Variants in LRP1 observed in about 807,000 individuals in gnomAD.
The protein encoded by LRP1 is prolow-density lipoprotein receptor-related protein 1.
A neutral mutation model predicts 541.5 loss-of-function variants in LRP1; 51 were observed. That is an observed-to-expected ratio of 0.09 (90% CI 0.08 to 0.12). The LOEUF (loss-of-function observed/expected upper bound fraction) is 0.12. Ranked by LOEUF, LRP1 falls within the 10% of genes least tolerant of loss-of-function variation. The pLI is 1.00. For synonymous variants in LRP1, 2,219 were observed against 2,470.8 expected, an observed-to-expected ratio of 0.90 and a Z score of 3.02; for missense variants, 3,878 against 6,376.2, an observed-to-expected ratio of 0.61 and a Z score of 13.34.
chr12:57,180,271 C>T (rs1386657581), intron 31 of LRP1, 59 bp from the exon 32 acceptor site: 3 of 1,602,892 alleles, frequency 1.9e-6, no homozygotes, highest in African/African-American at 2.7e-5. Context: ...CCATCTGCTC[C>T]CTTCCCTGGA....
intron 42 of LRP1, among the ~76,000 whole-genome samples, chr12:57,187,728 T>C (rs556313327): frequency 9.9e-5 from 15 of 152,204 alleles, no homozygotes; most frequent in Non-Finnish European, 1.8e-4. Context: ...GATTCATTCA[T>C]CAGAGCACCA....
Position 57,154,681 on chromosome 12 carries a change from A to T in LRP1, c.1207A>T (p.Thr403Ser), listed in dbSNP as rs2035585682. The change falls in exon 8 of 89, where the codon ACC becomes TCC. Residue 403 changes from threonine (T) to serine (S), a missense_variant. By Grantham distance (58) the Thr-to-Ser change is moderately conservative. Coordinates refer to ENST00000243077, the MANE Select transcript of LRP1 (RefSeq NM_002332.3). The surrounding 1 kb of genome is among the most constrained non-coding windows in gnomAD (Gnocchi z 4.6). Reference protein sequence around the residue: ...VVDYEGKGRQTIIQGILIEHL... With the variant: ...VVDYEGKGRQSIIQGILIEHL... Reference sequence around the variant, plus strand: ...GGACTATGAGGGCAAGGGCCGCCAGACCATCATCCAGGGCATCCTGGTGAG... The same window carrying T: ...GGACTATGAGGGCAAGGGCCGCCAGTCCATCATCCAGGGCATCCTGGTGAG... 6.4e-7 allele frequency: 1 copy of T among 1,564,776 alleles called. No homozygotes were observed. Among genetic ancestry groups the T allele is most frequent in the Non-Finnish European group, 8.7e-7 (1 of 1,154,264 alleles).
chr12:57,128,825 C>T lies in LRP1; in HGVS notation c.-140C>T. The T allele has an allele frequency of 2.8e-6, 2 of 702,118 alleles. No individual in the cohort carries two copies. Among genetic ancestry groups the T allele is most frequent in the Non-Finnish European group, 4.7e-6 (2 of 428,468 alleles). The allele number at this position is 702,118 out of a possible 1,614,324, so 43.5% of individuals were successfully genotyped here. The stretch of plus-strand genomic sequence containing the variant: ...TACCTCTTCACCCACGCCCCTGGTG[C>T]GCTTTGCCGAAGGAAAGAATAAGAA... On this transcript the variant is annotated 5_prime_UTR_variant, in exon 1 of 89. Coordinates refer to ENST00000243077, the MANE Select transcript of LRP1 (RefSeq NM_002332.3).
chr12:57,147,095 C>T (rs1422898940), intron 6 of LRP1, among the ~76,000 whole-genome samples: 2 of 152,046 alleles, frequency 1.3e-5, no homozygotes, highest in African/African-American at 4.8e-5. Flanking sequence ...TTTGCCTTGC[C>T]TCCCAGTCTG....
In LRP1 at chr12:57,199,277, G is replaced by A; in HGVS notation, c.9742G>A (p.Asp3248Asn). Reference sequence around the variant, plus strand: ...GTTTGAGGACTACGTCTACTGGACCGACTGGGAAACAAAGTCCATTAACCG... The same window carrying A: ...GTTTGAGGACTACGTCTACTGGACCAACTGGGAAACAAAGTCCATTAACCG... Reference protein sequence around the residue: ...TLFEDYVYWTDWETKSINRAH... With the variant: ...TLFEDYVYWTNWETKSINRAH... Residue 3248 changes from aspartate to asparagine, a missense_variant, in exon 61 of 89, where the codon GAC becomes AAC. This residue lies in a region of LRP1 where 1,100 missense variants were observed against 1,827.4 expected (regional missense o/e 0.60). Transcript: ENST00000243077. 1 of 1,613,928 alleles carries A rather than the reference G, an allele frequency of 6.2e-7. No individual in the cohort carries two copies. Among genetic ancestry groups the A allele is most frequent in the Non-Finnish European group, 8.5e-7 (1 of 1,179,996 alleles).
intron 6 of LRP1, among the ~76,000 whole-genome samples, chr12:57,150,672 A>G (rs1012629187): frequency 1.3e-5 from 2 of 152,204 alleles, no homozygotes; most frequent in African/African-American, 4.8e-5. Flanking sequence ...GGATGGGTTC[A>G]GGGAGGGGAG....
chr12:57,198,299 T>G lies in LRP1; in HGVS notation c.9426T>G (p.Ser3142=). The change falls in exon 59 of 89, where the codon TCT becomes TCG. Residue 3142 remains serine, a synonymous_variant. Coordinates refer to ENST00000243077, the MANE Select transcript of LRP1 (RefSeq NM_002332.3). ...NGAYRTVLVS[S]GLREPRALVV... ...CCTATCGGACGGTGCTGGTCAGCTC[T>G]GGCCTCCGTGAGCCCAGGGCTCTGG... 2 of 1,613,982 alleles carry G rather than the reference T, an allele frequency of 1.2e-6. No individual in the cohort carries two copies. The highest frequency in any genetic ancestry group is 1.7e-6 in the Non-Finnish European group (2 of 1,180,000).
Position 57,184,513 on chromosome 12 carries a change from C to T in LRP1, c.6186+61C>T. 6.2e-7 allele frequency: 1 copy of T among 1,603,184 alleles called. No individual in the cohort carries two copies. Reference sequence around the variant, plus strand: ...GACCCCTGACCCAGGCTCCTGTTCCCTGTGATGAGCCCATTCTGGGAGGAC... The same window carrying T: ...GACCCCTGACCCAGGCTCCTGTTCCTTGTGATGAGCCCATTCTGGGAGGAC... On this transcript the variant is annotated intron_variant, in intron 38 of 88. Transcript: ENST00000243077. The surrounding 1 kb of genome is among the most constrained non-coding windows in gnomAD (Gnocchi z 7.8).
At position 57,194,626 on chromosome 12, in the gene LRP1, G is replaced by A; in HGVS notation, c.8118G>A (p.Gly2706=). The part of the protein sequence containing the change: ...CPLNYFACPS[G]RCIPMSWTCD... ...TGAATTACTTCGCCTGCCCTAGTGGGCGCTGCATCCCCATGAGCTGGACGT... is the reference window on the plus strand; with the variant it reads ...TGAATTACTTCGCCTGCCCTAGTGGACGCTGCATCCCCATGAGCTGGACGT... The change falls in exon 50 of 89, where the codon GGG becomes GGA. Residue 2706 remains glycine, a synonymous_variant. Coordinates refer to ENST00000243077, the MANE Select transcript of LRP1 (RefSeq NM_002332.3). 6.2e-7 allele frequency: 1 copy of A among 1,610,366 alleles called. No individual in the cohort carries two copies. The highest frequency in any genetic ancestry group is 8.5e-7 in the Non-Finnish European group (1 of 1,178,998).
intron 45 of LRP1, 83 bp downstream of exon 45, chr12:57,193,053 C>A: frequency 1.9e-6 from 3 of 1,586,288 alleles, no homozygotes; most frequent in Admixed American, 1.7e-5. Flanking sequence ...ATGCTCCAGC[C>A]CAGCCCCCCA....
intron 52 of LRP1, 32 bp from the exon 53 acceptor site, chr12:57,195,626 G>C: frequency 1.2e-6 from 2 of 1,613,882 alleles, no homozygotes; most frequent in Non-Finnish European, 1.7e-6. Flanking sequence ...GGCCAGGCAG[G>C]GCTGAAGGGC....
chr12:57,178,869 T>A lies in LRP1; in HGVS notation c.4607-21T>A, dbSNP rs780467884. ...AGTCACAGGATGCTCTGGCTTCTTC[T>A]CTTCTCCACCCTGCCCCCAGCTCCC... is the stretch of plus-strand genomic sequence containing the variant. On this transcript the variant is annotated intron_variant, in intron 27 of 88. Transcript: ENST00000243077. The surrounding 1 kb of genome is among the most constrained non-coding windows in gnomAD (Gnocchi z 5.8). 3.7e-6 allele frequency: 6 copies of A among 1,601,084 alleles called. No homozygotes were observed. In the South Asian group the frequency reaches 6.7e-5, roughly 18 times the overall value.
chr12:57,191,203 G>T, intron 43 of LRP1, 117 bp from the exon 44 acceptor site: 1 of 1,169,608 alleles, frequency 8.5e-7, no homozygotes, highest in Non-Finnish European at 1.2e-6. Context: ...GAGATAGCAG[G>T]ATGCCTCTGC....
chr12:57,150,678 G>A (rs1722575795), intron 6 of LRP1, among the ~76,000 whole-genome samples: 1 of 152,234 alleles, frequency 6.6e-6, no homozygotes, highest in Non-Finnish European at 1.5e-5. Context: ...GTTCAGGGAG[G>A]GGAGGACATG....
chr12:57,188,756 C>T (rs1014173400), intron 42 of LRP1, among the ~76,000 whole-genome samples: 3 of 152,164 alleles, frequency 2.0e-5, no homozygotes, highest in Non-Finnish European at 4.4e-5. Context: ...GTGGGGAGCG[C>T]GAGGGGCGTC....
intron 1 of LRP1, among the ~76,000 whole-genome samples, chr12:57,130,856 C>G (rs2035024166): frequency 6.6e-6 from 1 of 152,182 alleles, no homozygotes; most frequent in African/African-American, 2.4e-5. Flanking sequence ...TTCACCCACG[C>G]CCCCTCTGTA....
chr12:57,185,394 A>G lies in LRP1; in HGVS notation c.6464-137A>G, dbSNP rs6581126. 1 allele frequency: 1,321,784 copies of G among 1,325,614 alleles called. 659,067 individuals are homozygous for G. The highest frequency in any genetic ancestry group is 1 in the East Asian group (40,682 of 40,682). The allele number at this position is 1,325,614 out of a possible 1,614,324, so 82.1% of individuals were successfully genotyped here. A position where few individuals can be genotyped will look rare whatever the true frequency, so the allele number is the denominator to read the frequency against. On this transcript the variant is annotated intron_variant, in intron 40 of 88. Transcript: ENST00000243077. The surrounding 1 kb of genome is among the most constrained non-coding windows in gnomAD (Gnocchi z 4.9). ...GCTCTGGGACAGATCTTGGCATTGG[A>G]CTCTGGGCCCTGGAGGGTCATTCAA...
In LRP1 at chr12:57,206,370, G is replaced by A; in HGVS notation, c.11591-103G>A. The A allele has an allele frequency of 8.2e-7, 1 of 1,221,628 alleles. No homozygotes were observed. Among genetic ancestry groups the A allele is most frequent in the East Asian group, 2.4e-5 (1 of 42,346 alleles). 75.7% of individuals were successfully genotyped at this position (1,221,628 alleles called of 1,614,324 possible). ...GCAGCAGCTTCTGGCCGGAGCAGAT[G>A]GTCCTACCAGGAGATGGGACAGTGT... On this transcript the variant is annotated intron_variant, in intron 75 of 88. Transcript: ENST00000243077. This position sits in a 1 kb window ranked among gnomAD's most constrained non-coding sequence, Gnocchi z 4.7.
rs993902768 is a variant in LRP1 at position 57,184,871 on chromosome 12, A to G, written c.6219A>G (p.Thr2073=). 7.4e-6 allele frequency: 12 copies of G among 1,614,038 alleles called. No individual in the cohort carries two copies. Among genetic ancestry groups the G allele is most frequent in the Non-Finnish European group, 1.0e-5 (12 of 1,179,996 alleles). The change falls in exon 39 of 89, where the codon ACA becomes ACG. Residue 2073 remains threonine (T), a synonymous_variant. Coordinates refer to ENST00000243077, the MANE Select transcript of LRP1 (RefSeq NM_002332.3). This position sits in a 1 kb window ranked among gnomAD's most constrained non-coding sequence, Gnocchi z 7.8. ...AGCTGTACTGGTGCGATGCACGGAC[A>G]GACAAGATTGAACGGATCGACCTGG... ...DGKLYWCDAR[T]DKIERIDLET... is the part of the protein sequence containing the mutation.
Sources: gnomAD v4.1 joint callset for allele counts (sites outside exome capture counted in the v4.1 genomes callset) on GRCh38, gnomAD v4.1.1 for gene constraint, gnomAD v4.1.1 regional missense constraint, Gnocchi (gnomAD v3.1) non-coding constraint, MANE v1.5 for transcripts, NCBI Gene and HGNC (gene_info 2026-07-23, HGNC 2026-07-21) for gene names.